Variants in PWWP2B observed in about 807,000 individuals in gnomAD.
PWWP2B encodes the protein PWWP domain-containing protein 2B.
Under a neutral mutation model 15.5 loss-of-function variants are expected in PWWP2B, and 9 were observed. The ratio of observed to expected loss-of-function variants is 0.58; its 90% confidence interval spans 0.35 to 1.02. The LOEUF (loss-of-function observed/expected upper bound fraction) is 1.02, where lower values mean the gene tolerates loss of function less well. Among genes scored for constraint, PWWP2B ranks in the 50% least tolerant of loss-of-function variants. The probability of loss-of-function intolerance (pLI) is 0.02; values close to 1 mark genes in which losing one functional copy is unlikely to be tolerated. For missense variants in PWWP2B, 864 were observed against 865.3 expected, an observed-to-expected ratio of 1.00 and a Z score of 0.02; for synonymous variants, 474 against 403.6, an observed-to-expected ratio of 1.17 and a Z score of -2.09.
chr10:132,413,364 AC>A (rs1294893057), intron 2 of PWWP2B, among the ~76,000 whole-genome samples: 1 of 152,076 alleles, frequency 6.6e-6, no homozygotes, highest in Non-Finnish European at 1.5e-5. Flanking sequence ...GGACCCTAGC[AC>A]CTCCCACCAA....
At chr10:132,401,988 G>A (rs2069621653) in intron 1 of PWWP2B, among the ~76,000 whole-genome samples, 1 of 152,236 alleles carries the variant, frequency 6.6e-6, no homozygotes, top group African/African-American at 2.4e-5. Context: ...GCCTGGGCAG[G>A]GCGGCAGCTC....
intron 2 of PWWP2B, among the ~76,000 whole-genome samples, 183 bp downstream of exon 2, chr10:132,406,472 C>T (rs1159364620): frequency 6.6e-6 from 1 of 152,260 alleles, no homozygotes; most frequent in Non-Finnish European, 1.5e-5. Flanking sequence ...ATCTGCGCTT[C>T]TGATTCACAC....
chr10:132,410,161 G>A (rs2069758838), intron 2 of PWWP2B, among the ~76,000 whole-genome samples: 1 of 152,196 alleles, frequency 6.6e-6, no homozygotes. Context: ...GGACGGGGAG[G>A]CTGGGCGGTG....
chr10:132,398,470 G>T (rs573769939), intron 1 of PWWP2B, among the ~76,000 whole-genome samples: 1 of 152,216 alleles, frequency 6.6e-6, no homozygotes, highest in Non-Finnish European at 1.5e-5. Context: ...TTCCTCTGGC[G>T]GGCAGGGTTG....
intron 2 of PWWP2B, among the ~76,000 whole-genome samples, chr10:132,416,540 A>G (rs558411284): frequency 1.3e-5 from 2 of 152,116 alleles, no homozygotes; most frequent in South Asian, 4.1e-4. Context: ...GGGGCTCCGC[A>G]CAGATCTGGG....
chr10:132,417,505 C>G lies in PWWP2B; in HGVS notation c.*461C>G, dbSNP rs917882992. 1 of 185,270 alleles carries G rather than the reference C, an allele frequency of 5.4e-6. No homozygotes were observed. Among genetic ancestry groups the G allele is most frequent in the African/African-American group, 2.4e-5 (1 of 42,448 alleles). 11.5% of individuals were successfully genotyped at this position (185,270 alleles called of 1,614,324 possible). ...CGCAGTGTCCTGGAGGCAGCTGTCT[C>G]GCAGACTCAGCTTGGTCTCCCGCAG... On this transcript the variant is annotated 3_prime_UTR_variant, in exon 3 of 3. Coordinates refer to ENST00000305233, the MANE Select transcript of PWWP2B (RefSeq NM_138499.4).
At chr10:132,416,291 G>T (rs1490373525) in intron 2 of PWWP2B, among the ~76,000 whole-genome samples, 2 of 152,156 alleles carry the variant, frequency 1.3e-5, no homozygotes, top group Non-Finnish European at 1.5e-5. Context: ...GGCTCTGCAG[G>T]CTCCGCTGCC....
At chr10:132,406,780 C>A (rs909068534) in intron 2 of PWWP2B, among the ~76,000 whole-genome samples, 1 of 152,158 alleles carries the variant, frequency 6.6e-6, no homozygotes, top group Admixed American at 6.5e-5. Context: ...GGAGGGAGGG[C>A]GAGGTGAGCT....
At chr10:132,415,250 A>T (rs1463709065) in intron 2 of PWWP2B, among the ~76,000 whole-genome samples, 2 of 150,740 alleles carry the variant, frequency 1.3e-5, no homozygotes, top group Admixed American at 6.6e-5. Context: ...ACATCCACTC[A>T]CACACACACC....
chr10:132,406,956 C>T (rs11146365), intron 2 of PWWP2B, among the ~76,000 whole-genome samples: 15,738 of 152,154 alleles, frequency 0.1, 1,010 homozygotes, highest in African/African-American at 0.16. Context: ...GGCCTGTTCC[C>T]GGGGACGGCG....
intron 1 of PWWP2B, among the ~76,000 whole-genome samples, chr10:132,397,793 G>C (rs770970851): frequency 6.6e-6 from 1 of 152,232 alleles, no homozygotes; most frequent in Non-Finnish European, 1.5e-5. Flanking sequence ...CTGGCTGCTG[G>C]GAGTGACTCC....
rs367911303 is a variant in PWWP2B at position 132,403,997 on chromosome 10, C to T, written c.126-629C>T. On this transcript the variant is annotated intron_variant, in intron 1 of 2. Coordinates refer to ENST00000305233, the MANE Select transcript of PWWP2B (RefSeq NM_138499.4). ...CACCTGGAACCCTGCTCCCGTAGGA[C>T]GGCATTCTCCAGGGCTCCTGCAGGA... Among the ~76,000 whole-genome samples, 5 of 29,468 alleles carry T rather than the reference C, an allele frequency of 1.7e-4. No homozygotes were observed. In the South Asian group the frequency reaches 2.5e-3, roughly 15 times the overall value. 19.3% of individuals were successfully genotyped at this position (29,468 alleles called of 152,430 possible).
At chr10:132,415,807 T>C (rs2069845879) in intron 2 of PWWP2B, among the ~76,000 whole-genome samples, 1 of 152,228 alleles carries the variant, frequency 6.6e-6, no homozygotes, top group Non-Finnish European at 1.5e-5. Flanking sequence ...AGCCCATCCA[T>C]GTAGAGGATT....
chr10:132,405,624 G>A lies in PWWP2B; in HGVS notation c.1124G>A (p.Gly375Asp). The A allele has an allele frequency of 6.2e-7, 1 of 1,612,220 alleles. No individual in the cohort carries two copies. Among genetic ancestry groups the A allele is most frequent in the South Asian group, 1.1e-5 (1 of 91,088 alleles). Residue 375 changes from glycine (G) to aspartate (D), a missense_variant, in exon 2 of 3, where the codon GGT (glycine) becomes GAT (aspartate). By Grantham distance (94) the Gly-to-Asp change is moderately conservative. This residue lies in a region of PWWP2B where 736 missense variants were observed against 687.7 expected (regional missense o/e 1.07). Coordinates refer to ENST00000305233, the MANE Select transcript of PWWP2B (RefSeq NM_138499.4). ...SPAPCADGPA[G>D]GLADLSSGSS... ...GCGCCCTGTGCGGACGGCCCTGCCG[G>A]TGGGCTGGCGGACTTGTCTTCTGGA...
At chr10:132,399,303 A>G (rs908307612) in intron 1 of PWWP2B, among the ~76,000 whole-genome samples, 5 of 152,208 alleles carry the variant, frequency 3.3e-5, no homozygotes, top group African/African-American at 1.2e-4. Context: ...GTGTCCGCCC[A>G]CCTCAGGGAA....
rs2069684520 is a variant in PWWP2B, at chr10:132,405,560, G to C, written c.1060G>C (p.Val354Leu). 2 of 1,606,774 alleles carry C rather than the reference G, an allele frequency of 1.2e-6. No individual in the cohort carries two copies. Among genetic ancestry groups the C allele is most frequent in the Non-Finnish European group, 1.7e-6 (2 of 1,179,086 alleles). Reference sequence around the variant, plus strand: ...CGAGCCCGTGTACCGGGCCGAGCTGGTGGGGGAGCTGAACGGGTACCTGCG... The same window carrying C: ...CGAGCCCGTGTACCGGGCCGAGCTGCTGGGGGAGCTGAACGGGTACCTGCG... Reference protein sequence around the residue: ...EHEPVYRAELVGELNGYLRDS... With the variant: ...EHEPVYRAELLGELNGYLRDS... Residue 354 changes from valine (V) to leucine (L), a missense_variant, in exon 2 of 3, where the codon GTG becomes CTG. By Grantham distance (32) the Val-to-Leu change is conservative. Coordinates refer to ENST00000305233, the MANE Select transcript of PWWP2B (RefSeq NM_138499.4).
At chr10:132,398,317 C>T (rs997478427) in intron 1 of PWWP2B, among the ~76,000 whole-genome samples, 3 of 152,234 alleles carry the variant, frequency 2.0e-5, no homozygotes, top group East Asian at 3.8e-4. Context: ...CCACAAGTCA[C>T]GTGATTTAAC....
Position 132,417,120 on chromosome 10 carries a change from C to T in PWWP2B, c.*76C>T. ...AGCTTCCGATCTCTGTTCGGGGACC[C>T]TGTGAGCCTTCTGGCCGGCTGCGTG... On this transcript the variant is annotated 3_prime_UTR_variant, in exon 3 of 3. Coordinates refer to ENST00000305233, the MANE Select transcript of PWWP2B (RefSeq NM_138499.4). 6.2e-7 allele frequency: 1 copy of T among 1,612,552 alleles called. No individual in the cohort carries two copies. Among genetic ancestry groups the T allele is most frequent in the South Asian group, 1.1e-5 (1 of 91,052 alleles).
intron 1 of PWWP2B, among the ~76,000 whole-genome samples, chr10:132,400,422 AG>A (rs2069601426): frequency 6.6e-6 from 1 of 152,120 alleles, no homozygotes; most frequent in Admixed American, 6.5e-5. Flanking sequence ...TCCAGGACAC[AG>A]GGGGCCGGCC....
Sources: gnomAD v4.1 joint callset for allele counts (sites outside exome capture counted in the v4.1 genomes callset) on GRCh38, gnomAD v4.1.1 for gene constraint, gnomAD v4.1.1 regional missense constraint, MANE v1.5 for transcripts, NCBI Gene and HGNC (gene_info 2026-07-23, HGNC 2026-07-21) for gene names.